The following BMPR2 variants were observed in gnomAD, a reference collection of about 807,000 sequenced individuals.
The protein encoded by BMPR2 is bone morphogenetic protein receptor type-2.
BMPR2 carries 29 observed loss-of-function variants against 100.8 expected under a neutral mutation model. That is an observed-to-expected ratio of 0.29 (90% CI 0.21 to 0.39). The LOEUF is 0.39. BMPR2 is among the 10% of genes least tolerant of loss of function. The probability of loss-of-function intolerance (pLI) is 1.00; values close to 1 mark genes in which losing one functional copy is unlikely to be tolerated. For synonymous variants in BMPR2, 382 were observed against 442.3 expected (o/e 0.86, Z 1.71); for missense variants, 1,011 against 1,274.5 (o/e 0.79, Z 3.15).
At chr2:202,384,032 C>T (rs570186083) in intron 1 of BMPR2, among the ~76,000 whole-genome samples, 39 of 151,464 alleles carry the variant, frequency 2.6e-4, no homozygotes, top group Non-Finnish European at 4.4e-4. Context: ...ATTACCCGGG[C>T]GTGGTGGCGG....
intron 3 of BMPR2, among the ~76,000 whole-genome samples, chr2:202,496,591 ATT>A (rs1235691608): frequency 1.3e-5 from 2 of 152,258 alleles, no homozygotes; most frequent in Non-Finnish European, 2.9e-5. Flanking sequence ...TATGTCCCAC[ATT>A]TATATTGAAA....
At chr2:202,399,380 G>A (rs943291736) in intron 1 of BMPR2, among the ~76,000 whole-genome samples, 1 of 152,154 alleles carries the variant, frequency 6.6e-6, no homozygotes, top group African/African-American at 2.4e-5. Flanking sequence ...GTAAGAAAGA[G>A]CTCGATATTT....
intron 1 of BMPR2, among the ~76,000 whole-genome samples, chr2:202,424,070 C>CAA (rs773518674): frequency 0.021 from 1,244 of 58,380 alleles, 40 homozygotes; most frequent in East Asian, 0.093. Context: ...AAGACTGTCT[C>CAA]AAAAAAAAAA....
intron 1 of BMPR2, among the ~76,000 whole-genome samples, chr2:202,386,841 C>T (rs1018723094): frequency 2.6e-5 from 4 of 151,932 alleles, no homozygotes; most frequent in South Asian, 2.1e-4. Flanking sequence ...CCACCACGCC[C>T]GGCTAAATTT....
chr2:202,500,841 C>A lies in BMPR2; in HGVS notation c.419-12878C>A, dbSNP rs556557562. Among the ~76,000 whole-genome samples the A allele has an allele frequency of 2.5e-3, 381 of 152,286 alleles. 2 individuals carry two copies. The highest frequency in any genetic ancestry group is 8.5e-3 in the African/African-American group (352 of 41,562). On this transcript the variant is annotated intron_variant, in intron 3 of 12. Transcript: ENST00000374580. ...TTCACGGTTCTGGACCTCAAGGATG[C>A]CTTCTTCTGTATTCCCCTGCACTCT...
chr2:202,537,906 C>T (rs886783146), intron 9 of BMPR2, among the ~76,000 whole-genome samples: 5 of 151,936 alleles, frequency 3.3e-5, no homozygotes, highest in African/African-American at 4.8e-5. Context: ...GGGTGGATCT[C>T]CAGGTCAGGA....
chr2:202,385,111 T>G (rs1690399293), intron 1 of BMPR2, among the ~76,000 whole-genome samples: 1 of 152,144 alleles, frequency 6.6e-6, no homozygotes, highest in African/African-American at 2.4e-5. Flanking sequence ...TCTTCAGTTT[T>G]TTGTTTCATT....
chr2:202,423,966 G>C (rs1471092426), intron 1 of BMPR2, among the ~76,000 whole-genome samples: 2 of 151,932 alleles, frequency 1.3e-5, no homozygotes, highest in African/African-American at 4.8e-5. Flanking sequence ...CCAACTACAT[G>C]GGAGGCTGAG....
At chr2:202,379,709 C>G (rs1370192107) in intron 1 of BMPR2, among the ~76,000 whole-genome samples, 1 of 152,172 alleles carries the variant, frequency 6.6e-6, no homozygotes, top group African/African-American at 2.4e-5. Flanking sequence ...AATGGTGCAG[C>G]TGAACAGGAA....
chr2:202,402,922 G>A (rs1018189320), intron 1 of BMPR2, among the ~76,000 whole-genome samples: 1 of 151,458 alleles, frequency 6.6e-6, no homozygotes, highest in Non-Finnish European at 1.5e-5. Context: ...TCCGCCTCCC[G>A]GGTACAAGCC....
chr2:202,465,897 C>T (rs1692311365), intron 2 of BMPR2, among the ~76,000 whole-genome samples: 1 of 152,100 alleles, frequency 6.6e-6, no homozygotes, highest in African/African-American at 2.4e-5. Context: ...AATTTCATAT[C>T]CAGTTTTCTC....
intron 3 of BMPR2, among the ~76,000 whole-genome samples, chr2:202,470,064 C>T (rs1369653187): frequency 1.3e-5 from 2 of 152,128 alleles, no homozygotes; most frequent in Admixed American, 1.3e-4. Context: ...TAAGTTGAGG[C>T]TGGGTGCAGG....
At chr2:202,552,107 C>T (rs1463952064) in intron 10 of BMPR2, among the ~76,000 whole-genome samples, 1 of 152,108 alleles carries the variant, frequency 6.6e-6, no homozygotes, top group South Asian at 2.1e-4. Flanking sequence ...CCCGACTTGG[C>T]CTCCCAAAGT....
At chr2:202,513,065 A>G (rs953031948) in intron 3 of BMPR2, among the ~76,000 whole-genome samples, 3 of 151,894 alleles carry the variant, frequency 2.0e-5, no homozygotes, top group East Asian at 3.9e-4. Context: ...CCTGGGCCCA[A>G]GCAATCCTCC....
At chr2:202,533,840 A>G (rs1000136266) in intron 9 of BMPR2, among the ~76,000 whole-genome samples, 1 of 152,104 alleles carries the variant, frequency 6.6e-6, no homozygotes, top group Non-Finnish European at 1.5e-5. Context: ...GGGAAAGAAT[A>G]CTCATTTAAG....
chr2:202,520,350 A>G (rs1687799291), intron 7 of BMPR2, 149 bp downstream of exon 7: 4 of 695,090 alleles, frequency 5.8e-6, no homozygotes, highest in African/African-American at 3.6e-5. Context: ...CATGAAATGC[A>G]TTTGAAATGT....
intron 1 of BMPR2, among the ~76,000 whole-genome samples, chr2:202,452,046 G>A (rs913507114): frequency 6.6e-6 from 1 of 152,058 alleles, no homozygotes; most frequent in African/African-American, 2.4e-5. Flanking sequence ...GAGCCACTGC[G>A]CCTGGCCAAT....
intron 1 of BMPR2, among the ~76,000 whole-genome samples, chr2:202,443,059 A>G (rs545365926): frequency 6.6e-6 from 1 of 150,766 alleles, no homozygotes; most frequent in East Asian, 1.9e-4. Flanking sequence ...TGGTTCCTTT[A>G]TAAGAAGAGG....
chr2:202,449,249 AGTG>A (rs1691925355), intron 1 of BMPR2, among the ~76,000 whole-genome samples: 1 of 151,926 alleles, frequency 6.6e-6, no homozygotes. Context: ...TGGAGGTTGC[AGTG>A]AGCCAAGATT....
Sources: gnomAD v4.1 joint callset for allele counts (sites outside exome capture counted in the v4.1 genomes callset) on GRCh38, gnomAD v4.1.1 for gene constraint, MANE v1.5 for transcripts, NCBI Gene and HGNC (gene_info 2026-07-23, HGNC 2026-07-21) for gene names.